Variants in LUZP1 observed in about 807,000 individuals in gnomAD.
The protein encoded by LUZP1 is filamin mechanobinding actin cross-linking protein.
In LUZP1, 25 loss-of-function variants were observed where a neutral mutation model predicts 71.3. The ratio of observed to expected loss-of-function variants is 0.35; its 90% CI spans 0.26 to 0.49. The LOEUF (loss-of-function observed/expected upper bound fraction) is 0.49. LUZP1 is among the 20% of genes least tolerant of loss of function. LUZP1 has a pLI of 0.99. For missense variants in LUZP1, 1,142 were observed against 1,300.8 expected, an observed-to-expected ratio of 0.88 and a Z score of 1.88; for synonymous variants, 481 against 506.4, an observed-to-expected ratio of 0.95 and a Z score of 0.67.
At chr1:23,106,346 T>C (rs1046237707) in intron 3 of LUZP1, among the ~76,000 whole-genome samples, 1 of 152,198 alleles carries the variant, frequency 6.6e-6, no homozygotes, top group Non-Finnish European at 1.5e-5. Context: ...CTCATGCCTA[T>C]AATCCTAGCG....
chr1:23,173,956 G>A (rs1258278110), intron 1 of LUZP1, among the ~76,000 whole-genome samples: 1 of 151,964 alleles, frequency 6.6e-6, no homozygotes, highest in Non-Finnish European at 1.5e-5. Context: ...CCATGACAAG[G>A]CCAGGACAAA....
At chr1:23,133,390 T>C (rs1644229619) in intron 2 of LUZP1, 1 of 152,222 alleles carries the variant, frequency 6.6e-6, no homozygotes, top group Admixed American at 6.5e-5. Flanking sequence ...AGGATATTTA[T>C]ACTCTCTCAA....
intron 2 of LUZP1, among the ~76,000 whole-genome samples, chr1:23,151,873 A>C (rs996418282): frequency 1.3e-5 from 2 of 151,950 alleles, no homozygotes; most frequent in African/African-American, 4.8e-5. Flanking sequence ...ATGGTAGCAC[A>C]TACCTGTAGT....
intron 1 of LUZP1, among the ~76,000 whole-genome samples, chr1:23,174,244 G>A (rs1197378213): frequency 2.0e-5 from 3 of 152,080 alleles, no homozygotes; most frequent in Non-Finnish European, 4.4e-5. Context: ...AATGTCCAAG[G>A]GCAGGAGAAG....
rs1236025188 is a variant in LUZP1 at position 23,121,099 on chromosome 1, C to T, written c.-225-11972G>A. Among the ~76,000 whole-genome samples, 4 of 152,306 alleles carry T rather than the reference C, an allele frequency of 2.6e-5. No individual in the cohort carries two copies. In the East Asian group the frequency reaches 7.7e-4, roughly 29 times the overall value. Reference sequence around the variant, plus strand: ...TACAAACAACCACATTTATAAGCTGCTGGCTTATATCTTTATAAACAAAGC... The same window carrying T: ...TACAAACAACCACATTTATAAGCTGTTGGCTTATATCTTTATAAACAAAGC... On this transcript the variant is annotated intron_variant, in intron 2 of 4. Coordinates refer to ENST00000302291, the Ensembl canonical transcript of LUZP1.
At chr1:23,095,322 A>G (rs1317715635) in intron 3 of LUZP1, among the ~76,000 whole-genome samples, 1 of 152,234 alleles carries the variant, frequency 6.6e-6, no homozygotes, top group African/African-American at 2.4e-5. Context: ...CCACCACTAC[A>G]GCAAACCAGA....
chr1:23,093,421 G>C lies in LUZP1; in HGVS notation c.841C>G (p.Arg281Gly). The C allele has an allele frequency of 6.2e-7, 1 of 1,613,484 alleles. No individual in the cohort carries two copies. Among genetic ancestry groups the C allele is most frequent in the Non-Finnish European group, 8.5e-7 (1 of 1,179,870 alleles). The change falls in exon 4 of 5, where the codon CGC (arginine) becomes GGC (glycine). Residue 281 changes from arginine to glycine, a missense_variant. By Grantham distance (125) the Arg-to-Gly change is moderately radical. Coordinates refer to ENST00000302291, the Ensembl canonical transcript of LUZP1. This position sits in a 1 kb window ranked among gnomAD's most constrained non-coding sequence, Gnocchi z 4.2. ...TTGACTTTGTTGTCTTCCTGATTGC[G>C]GTTCTTTTCATTTTCTGATTTGTTT...
chr1:23,174,115 C>T (rs561730138), intron 1 of LUZP1, among the ~76,000 whole-genome samples: 2 of 152,164 alleles, frequency 1.3e-5, no homozygotes, highest in East Asian at 3.9e-4. Flanking sequence ...AGAAGTCCCA[C>T]AATCTGCCTT....
At chr1:23,133,801 A>G (rs985479740) in intron 2 of LUZP1, 5 of 149,598 alleles carry the variant, frequency 3.3e-5, no homozygotes, top group Non-Finnish European at 7.4e-5. Flanking sequence ...ATAAATAAAT[A>G]AAGAGATAGA....
chr1:23,168,609 C>A (rs1011728655), intron 2 of LUZP1, among the ~76,000 whole-genome samples, 157 bp downstream of exon 1: 1 of 108,516 alleles, frequency 9.2e-6, no homozygotes, highest in East Asian at 2.5e-4. Context: ...TCCAACTCTC[C>A]CCCAACTCCA....
chr1:23,110,624 ACG>A (rs1410743934), intron 2 of LUZP1, among the ~76,000 whole-genome samples: 7 of 86,318 alleles, frequency 8.1e-5, no homozygotes, highest in Non-Finnish European at 1.2e-4. Flanking sequence ...GCATGCATGA[ACG>A]CGCACACATA....
At chr1:23,084,301 T>C (rs1258884311) in exon 5 of LUZP1, 2 of 152,190 alleles carry the variant, frequency 1.3e-5, no homozygotes, top group African/African-American at 4.8e-5. Context: ...GATCAGTTCA[T>C]TTCCTTGCTC....
intron 2 of LUZP1, among the ~76,000 whole-genome samples, chr1:23,126,714 T>C (rs1644174549): frequency 1.3e-5 from 2 of 152,198 alleles, no homozygotes; most frequent in Admixed American, 6.5e-5. Flanking sequence ...TTATTGACCA[T>C]ACTGTCAGCT....
chr1:23,118,923 G>A (rs1331191764), intron 2 of LUZP1, among the ~76,000 whole-genome samples: 1 of 152,064 alleles, frequency 6.6e-6, no homozygotes, highest in African/African-American at 2.4e-5. Context: ...AGATTCTTGG[G>A]CCTATGTTCC....
At chr1:23,107,583 C>A (rs1201323211) in intron 3 of LUZP1, among the ~76,000 whole-genome samples, 3 of 152,108 alleles carry the variant, frequency 2.0e-5, no homozygotes, top group Admixed American at 2.0e-4. Flanking sequence ...GGCAAATCAC[C>A]TGAGGTCAGG....
chr1:23,111,465 C>T (rs182606515), intron 2 of LUZP1, among the ~76,000 whole-genome samples: 5 of 152,022 alleles, frequency 3.3e-5, no homozygotes, highest in East Asian at 1.9e-4. Context: ...GAGACTGAGA[C>T]GGGAGGATCA....
At chr1:23,111,589 C>A (rs1304939034) in intron 2 of LUZP1, among the ~76,000 whole-genome samples, 7 of 152,022 alleles carry the variant, frequency 4.6e-5, no homozygotes, top group African/African-American at 1.7e-4. Context: ...CGATCTATAC[C>A]AAGGCGGCAC....
Position 23,131,219 on chromosome 1 carries a change from C to CA in LUZP1, c.-225-22093dup, listed in dbSNP as rs71020480. ...CGGGCAACAGAGTGAGACTCCATCTCAAAAAAAAAAAAAAAAAAAAAAAAA... is the reference window on the plus strand; with the variant it reads ...CGGGCAACAGAGTGAGACTCCATCTCAAAAAAAAAAAAAAAAAAAAAAAAAA... On this transcript the variant is annotated intron_variant, in intron 2 of 4. Transcript: ENST00000302291. 4.3e-3 allele frequency among the ~76,000 whole-genome samples: 194 copies of CA among 45,024 alleles called. 21 individuals are homozygous for CA. Among genetic ancestry groups the CA allele is most frequent in the African/African-American group, 0.01 (99 of 9,698 alleles). The allele number at this position is 45,024 out of a possible 152,430, so 29.5% of individuals were successfully genotyped here.
At chr1:23,169,289 G>A (rs920672368) in intron 1 of LUZP1, among the ~76,000 whole-genome samples, 2 of 152,202 alleles carry the variant, frequency 1.3e-5, no homozygotes, top group African/African-American at 2.4e-5. Flanking sequence ...GCTGCAGTGA[G>A]CCGTGATCGT....
Sources: allele counts gnomAD v4.1 joint callset (sites outside exome capture counted in the v4.1 genomes callset), GRCh38; gene constraint gnomAD v4.1.1; non-coding constraint Gnocchi (gnomAD v3.1); transcripts MANE v1.5; gene names NCBI Gene and HGNC (gene_info 2026-07-23, HGNC 2026-07-21).